The following GLYCTK variants were observed in gnomAD, a reference collection of about 807,000 sequenced individuals.
GLYCTK encodes the protein glycerate kinase.
Under a neutral mutation model 24.8 loss-of-function variants are expected in GLYCTK, and 22 were observed. The observed-to-expected ratio is 0.89, with a 90% CI of 0.63 to 1.27. The LOEUF (loss-of-function observed/expected upper bound fraction) is 1.27. GLYCTK is among the 50% of genes most tolerant of loss of function. The probability of loss-of-function intolerance (pLI) is 0.00; values close to 1 mark genes in which losing one functional copy is unlikely to be tolerated. For missense variants in GLYCTK, 684 were observed against 686.7 expected (o/e 1.00, Z 0.04); for synonymous variants, 320 against 297.2 (o/e 1.08, Z -0.79).
Position 52,293,200 on chromosome 3 carries a change from C to A in GLYCTK, c.*74C>A, listed in dbSNP as rs781066450. On this transcript the variant is annotated 3_prime_UTR_variant, in exon 5 of 5. Coordinates refer to ENST00000436784, the MANE Select transcript of GLYCTK (RefSeq NM_145262.4). ...GTCAGATGGCAGAGCAAGGTTGGTC[C>A]TCAGGGCCTCTCTAAGCCTTAGGGC... The A allele has an allele frequency of 3.3e-5, 50 of 1,497,878 alleles. No homozygotes were observed. The highest frequency in any genetic ancestry group is 4.5e-5 in the Non-Finnish European group (49 of 1,086,864). The allele number at this position is 1,497,878 out of a possible 1,614,324, so 92.8% of individuals were successfully genotyped here.
chr3:52,290,927 C>T (rs1374202864), intron 2 of GLYCTK, 33 bp from the exon 3 acceptor site: 8 of 1,613,428 alleles, frequency 5.0e-6, no homozygotes, highest in Non-Finnish European at 6.8e-6. Flanking sequence ...GGAGTCCACC[C>T]CATCTCTTGC....
Position 52,290,485 on chromosome 3 carries a change from C to T in GLYCTK, c.143C>T (p.Ala48Val), listed in dbSNP as rs1273405306. The change falls in exon 2 of 5, where the codon GCA (alanine) becomes GTA (valine). Residue 48 changes from alanine (A) to valine (V), a missense_variant. Physicochemically the swap from Ala to Val is moderately conservative, Grantham distance 64 (BLOSUM62 0). Coordinates refer to ENST00000436784, the MANE Select transcript of GLYCTK (RefSeq NM_145262.4). The part of the protein sequence containing the change: ...ARQLFESAVG[A>V]VLPGPMLHRA... ...CAGCTGTTTGAGAGTGCTGTAGGTG[C>T]AGTGCTGCCGGGCCCCATGCTGCAC... 1.2e-6 allele frequency: 2 copies of T among 1,613,264 alleles called. No homozygotes were observed. Among genetic ancestry groups the T allele is most frequent in the South Asian group, 2.2e-5 (2 of 91,086 alleles).
intron 4 of GLYCTK, 49 bp from the exon 5 acceptor site, chr3:52,292,211 G>C (rs1700491318): frequency 6.2e-7 from 1 of 1,611,678 alleles, no homozygotes; most frequent in Non-Finnish European, 8.5e-7. Context: ...TATGGGCTCT[G>C]AGGGGAGGAG....
chr3:52,292,781 G>A lies in GLYCTK; in HGVS notation c.1227G>A (p.Glu409=). The change falls in exon 5 of 5, where the codon GAG becomes GAA. Residue 409 remains glutamate (E), a synonymous_variant. Transcript: ENST00000436784. ...RGPVCLLAGG[E]PTVQLQGSGR... The stretch of plus-strand genomic sequence containing the variant: ...CAGTCTGCCTGCTGGCTGGTGGCGA[G>A]CCCACAGTACAGCTGCAGGGCTCGG... The A allele has an allele frequency of 6.2e-7, 1 of 1,607,682 alleles. No individual in the cohort carries two copies.
chr3:52,290,058 G>A, intron 1 of GLYCTK: 1 of 511,180 alleles, frequency 2.0e-6, no homozygotes, highest in Non-Finnish European at 3.5e-6. Flanking sequence ...ACTTGAGGCA[G>A]AGTATCCAGA....
At chr3:52,290,792 G>T in intron 2 of GLYCTK, 73 bp downstream of exon 2, 1 of 1,588,850 alleles carries the variant, frequency 6.3e-7, no homozygotes. Context: ...AGGCTGAATC[G>T]GGCCTCCCCT....
rs570863340 is a variant in GLYCTK, at chr3:52,295,005, T to C, written c.*1879T>C. On this transcript the variant is annotated 3_prime_UTR_variant, in exon 5 of 5. Transcript: ENST00000436784. ...GGTATGGATAGGATCTTGCAGGAGGTTCCCCCTGCTCTACATTGACCCCTT... is the reference window on the plus strand; with the variant it reads ...GGTATGGATAGGATCTTGCAGGAGGCTCCCCCTGCTCTACATTGACCCCTT... 4.4e-5 allele frequency: 20 copies of C among 453,966 alleles called. No individual in the cohort carries two copies. Among genetic ancestry groups the C allele is most frequent in the South Asian group, 2.8e-4 (18 of 64,466 alleles). The allele number at this position is 453,966 out of a possible 1,614,324, so 28.1% of individuals were successfully genotyped here.
At chr3:52,289,880 G>A (rs1700404793) in intron 1 of GLYCTK, among the ~76,000 whole-genome samples, 1 of 152,226 alleles carries the variant, frequency 6.6e-6, no homozygotes. Flanking sequence ...AAGAGGCAAG[G>A]AAGGAGTGCC....
intron 1 of GLYCTK, among the ~76,000 whole-genome samples, chr3:52,288,213 T>A (rs1241265103): frequency 1.3e-5 from 2 of 151,680 alleles, no homozygotes; most frequent in African/African-American, 2.4e-5. Flanking sequence ...ATGCAAAGCG[T>A]CCAGTTACAT....
At chr3:52,288,080 T>C (rs1700343226) in intron 1 of GLYCTK, 2 of 205,186 alleles carry the variant, frequency 9.7e-6, no homozygotes, top group Admixed American at 5.4e-5. Context: ...GTACCAGCCT[T>C]CTTTGATGGC....
In GLYCTK at chr3:52,295,116, A is replaced by G. The variant is rs1700600551; in HGVS notation, c.*1990A>G. The G allele has an allele frequency of 2.2e-6, 1 of 453,988 alleles. No homozygotes were observed. The highest frequency in any genetic ancestry group is 2.0e-5 in the African/African-American group (1 of 49,988). 28.1% of individuals were successfully genotyped at this position (453,988 alleles called of 1,614,324 possible). ...AAATGGTCTGTGAGCCTAACCCGTT[A>G]GATTTGCTCACTGGATACCCCAGAG... On this transcript the variant is annotated 3_prime_UTR_variant, in exon 5 of 5. Transcript: ENST00000436784.
Position 52,290,710 on chromosome 3 carries a change from C to A in GLYCTK, c.368C>A (p.Ala123Asp), listed in dbSNP as rs1700438199. 1.2e-6 allele frequency: 2 copies of A among 1,610,750 alleles called. No homozygotes were observed. Among genetic ancestry groups the A allele is most frequent in the African/African-American group, 2.7e-5 (2 of 74,842 alleles). Residue 123 changes from alanine to aspartate, a missense_variant, in exon 2 of 5, where the codon GCC (alanine) becomes GAC (aspartate). By Grantham distance (126) the Ala-to-Asp change is moderately radical. Transcript: ENST00000436784. Reference protein sequence around the residue: ...PKGIRAAMERAGKQEMLLKPH... With the variant: ...PKGIRAAMERDGKQEMLLKPH... ...GGGATCCGTGCTGCCATGGAGCGTG[C>A]CGGCAAGCAGTAAGGAGCCATGGGG...
chr3:52,291,686 G>T, intron 3 of GLYCTK, 61 bp from the exon 4 acceptor site: 1 of 1,539,204 alleles, frequency 6.5e-7, no homozygotes, highest in Non-Finnish European at 9.0e-7. Flanking sequence ...TGTCACCCCT[G>T]CTTGCCTGGT....
intron 3 of GLYCTK, chr3:52,291,406 A>G (rs1040827842): frequency 8.8e-5 from 51 of 581,142 alleles, no homozygotes; most frequent in Non-Finnish European, 1.2e-4. Context: ...TGTCACTGCT[A>G]TTGCTGCTGT....
chr3:52,291,077 C>T lies in GLYCTK; in HGVS notation c.495C>T (p.Leu165=), dbSNP rs1295367081. The T allele has an allele frequency of 1.9e-6, 3 of 1,612,762 alleles. No homozygotes were observed. The highest frequency in any genetic ancestry group is 2.5e-6 in the Non-Finnish European group (3 of 1,180,020). The change falls in exon 3 of 5, where the codon CTC becomes CTT. Residue 165 remains leucine, a synonymous_variant. Coordinates refer to ENST00000436784, the MANE Select transcript of GLYCTK (RefSeq NM_145262.4). Reference sequence around the variant, plus strand: ...CCATCCAGCAACTGGCTGAGGGACTCACAGCTGATGACCTGCTGCTCGTGC... The same window carrying T: ...CCATCCAGCAACTGGCTGAGGGACTTACAGCTGATGACCTGCTGCTCGTGC... ...ALAIQQLAEG[L]TADDLLLVLI...
rs1208554677 is a variant in GLYCTK at position 52,290,511 on chromosome 3, C to T, written c.169C>T (p.Arg57Trp). 6.8e-6 allele frequency: 11 copies of T among 1,613,464 alleles called. No individual in the cohort carries two copies. The highest frequency in any genetic ancestry group is 2.7e-5 in the African/African-American group (2 of 75,040). The change falls in exon 2 of 5, where the codon CGG (arginine) becomes TGG (tryptophan). Residue 57 changes from arginine (R) to tryptophan (W), a missense_variant. Coordinates refer to ENST00000436784, the MANE Select transcript of GLYCTK (RefSeq NM_145262.4). ...GAVLPGPMLH[R>W]ALSLDPGGRQ... ...AGTGCTGCCGGGCCCCATGCTGCAC[C>T]GGGCACTATCCTTGGACCCTGGTGG...
rs1279588102 is a variant in GLYCTK at position 52,295,125 on chromosome 3, C to T, written c.*1999C>T. On this transcript the variant is annotated 3_prime_UTR_variant, in exon 5 of 5. Transcript: ENST00000436784. ...GTGAGCCTAACCCGTTAGATTTGCT[C>T]ACTGGATACCCCAGAGATAAGAAAG... 2.2e-6 allele frequency: 1 copy of T among 454,116 alleles called. No homozygotes were observed. Among genetic ancestry groups the T allele is most frequent in the East Asian group, 7.0e-5 (1 of 14,386 alleles). The allele number at this position is 454,116 out of a possible 1,614,324, so 28.1% of individuals were successfully genotyped here.
Position 52,293,198 on chromosome 3 carries a change from T to C in GLYCTK, c.*72T>C. The C allele has an allele frequency of 1.3e-6, 2 of 1,531,058 alleles. No individual in the cohort carries two copies. The highest frequency in any genetic ancestry group is 1.8e-6 in the Non-Finnish European group (2 of 1,115,136). 94.8% of individuals were successfully genotyped at this position (1,531,058 alleles called of 1,614,324 possible). On this transcript the variant is annotated 3_prime_UTR_variant, in exon 5 of 5. Transcript: ENST00000436784. ...AGGTCAGATGGCAGAGCAAGGTTGG[T>C]CCTCAGGGCCTCTCTAAGCCTTAGG...
Position 52,290,664 on chromosome 3 carries a change from G to A in GLYCTK, c.322G>A (p.Gly108Ser), listed in dbSNP as rs1700435190. 1 of 1,613,672 alleles carries A rather than the reference G, an allele frequency of 6.2e-7. No individual in the cohort carries two copies. The highest frequency in any genetic ancestry group is 8.5e-7 in the Non-Finnish European group (1 of 1,179,964). The change falls in exon 2 of 5, where the codon GGC becomes AGC. Residue 108 changes from glycine (G) to serine (S), a missense_variant. Coordinates refer to ENST00000436784, the MANE Select transcript of GLYCTK (RefSeq NM_145262.4). Reference protein sequence around the residue: ...EELLGQHLVQGVISVPKGIRA... With the variant: ...EELLGQHLVQSVISVPKGIRA... The stretch of plus-strand genomic sequence containing the variant: ...ACTACTGGGCCAGCATCTTGTGCAG[G>A]GCGTGATCAGCGTTCCCAAGGGGAT...
Sources: gnomAD v4.1 joint callset for allele counts (sites outside exome capture counted in the v4.1 genomes callset) on GRCh38, gnomAD v4.1.1 for gene constraint, MANE v1.5 for transcripts, NCBI Gene and HGNC (gene_info 2026-07-23, HGNC 2026-07-21) for gene names.